The following LTBP2 variants were observed in gnomAD, a reference collection of about 807,000 sequenced individuals.
LTBP2 encodes the protein latent transforming growth factor beta binding protein 2, also known as latent-transforming growth factor beta-binding protein 2.
Under a neutral mutation model 210.6 loss-of-function variants are expected in LTBP2, and 103 were observed. That is an observed-to-expected ratio of 0.49 (90% CI 0.42 to 0.58). The LOEUF is 0.58. Ranked by LOEUF, LTBP2 falls within the 20% of genes least tolerant of loss-of-function variation. LTBP2 has a pLI of 0.00. For synonymous variants in LTBP2, 1,007 were observed against 1,015.0 expected (o/e 0.99, Z 0.15); for missense variants, 2,313 against 2,494.5 (o/e 0.93, Z 1.55).
intron 3 of LTBP2, among the ~76,000 whole-genome samples, chr14:74,564,295 A>G (rs376121399): frequency 3.1e-5 from 1 of 32,782 alleles, no homozygotes; most frequent in Non-Finnish European, 4.9e-5. Flanking sequence ...TTATATATAT[A>G]TTTATATATA....
At chr14:74,563,792 A>G (rs2087828706) in intron 3 of LTBP2, among the ~76,000 whole-genome samples, 1 of 151,604 alleles carries the variant, frequency 6.6e-6, no homozygotes. Flanking sequence ...GTCACAGAAA[A>G]TCTAAAATAT....
At chr14:74,582,421 C>T (rs970110969) in intron 3 of LTBP2, among the ~76,000 whole-genome samples, 10 of 151,558 alleles carry the variant, frequency 6.6e-5, no homozygotes, top group Non-Finnish European at 1.0e-4. Flanking sequence ...CACACACACA[C>T]ACACACACAC....
intron 3 of LTBP2, among the ~76,000 whole-genome samples, chr14:74,580,883 C>T (rs2088127347): frequency 6.6e-6 from 1 of 152,046 alleles, no homozygotes; most frequent in Non-Finnish European, 1.5e-5. Context: ...TGCAAGAGAC[C>T]AGGAGGTCGA....
intron 2 of LTBP2, among the ~76,000 whole-genome samples, chr14:74,596,453 T>C (rs1435102905): frequency 6.6e-6 from 1 of 151,958 alleles, no homozygotes; most frequent in Non-Finnish European, 1.5e-5. Context: ...CACAGAGAGA[T>C]GACGGGGAGC....
Position 74,572,322 on chromosome 14 carries a change from TGA to T in LTBP2, c.830+13530_830+13531del, listed in dbSNP as rs33960423. On this transcript the variant is annotated intron_variant, in intron 3 of 35. Transcript: ENST00000261978. ...GTGTGTGTGTCTGTGTGTGTGTGTG[TGA>T]GAGAGAGAGAGAGAGAGTGTGTGTG... is the stretch of plus-strand genomic sequence containing the variant. 6.6e-3 allele frequency among the ~76,000 whole-genome samples: 540 copies of T among 82,426 alleles called. 2 individuals carry two copies. The highest frequency in any genetic ancestry group is 0.014 in the South Asian group (43 of 3,020). 54.1% of individuals were successfully genotyped at this position (82,426 alleles called of 152,430 possible).
Position 74,536,115 on chromosome 14 carries a change from C to T in LTBP2, c.1790-115G>A, listed in dbSNP as rs2087418825. 36 of 868,864 alleles carry T rather than the reference C, an allele frequency of 4.1e-5. No individual in the cohort carries two copies. In the South Asian group the frequency reaches 5.0e-4, roughly 12 times the overall value. The allele number at this position is 868,864 out of a possible 1,614,324, so 53.8% of individuals were successfully genotyped here. A position where few individuals can be genotyped will look rare whatever the true frequency, so the allele number is the denominator to read the frequency against. ...CAGCCCACCCGGCAGCAGTGAGCCCCAGCCCCCGAAGCCATCGCCCTGGGC... is the reference window on the plus strand; with the variant it reads ...CAGCCCACCCGGCAGCAGTGAGCCCTAGCCCCCGAAGCCATCGCCCTGGGC... On this transcript the variant is annotated intron_variant, in intron 8 of 35. Transcript: ENST00000261978.
At chr14:74,503,883 G>T (rs1383754812) in intron 31 of LTBP2, 43 bp downstream of exon 31, 2 of 1,612,172 alleles carry the variant, frequency 1.2e-6, no homozygotes, top group Non-Finnish European at 1.7e-6. Flanking sequence ...CCATTATTCA[G>T]CTGTGGGCCT....
At chr14:74,567,667 C>T (rs1184887452) in intron 3 of LTBP2, among the ~76,000 whole-genome samples, 2 of 152,188 alleles carry the variant, frequency 1.3e-5, no homozygotes, top group African/African-American at 4.8e-5. Flanking sequence ...GGGACACAGA[C>T]CCCCAGGAGG....
chr14:74,532,277 C>G, intron 10 of LTBP2, 149 bp downstream of exon 10: 1 of 1,063,474 alleles, frequency 9.4e-7, no homozygotes, highest in Non-Finnish European at 1.4e-6. Context: ...CACATTGGGC[C>G]CAACTCCAGG....
chr14:74,526,525 G>C (rs1012798530), intron 13 of LTBP2, among the ~76,000 whole-genome samples: 1 of 152,184 alleles, frequency 6.6e-6, no homozygotes, highest in Non-Finnish European at 1.5e-5. Context: ...GGTTATACCT[G>C]GTGTCCCTCA....
At chr14:74,593,534 C>T (rs1245693863) in intron 2 of LTBP2, among the ~76,000 whole-genome samples, 1 of 152,206 alleles carries the variant, frequency 6.6e-6, no homozygotes, top group Non-Finnish European at 1.5e-5. Context: ...CGTGGGTGTA[C>T]TTTGTACTCT....
At chr14:74,526,508 G>A (rs893358004) in intron 13 of LTBP2, among the ~76,000 whole-genome samples, 3 of 152,202 alleles carry the variant, frequency 2.0e-5, no homozygotes, top group African/African-American at 7.2e-5. Context: ...GGGAAGCTGG[G>A]ACCACAGGTT....
chr14:74,509,514 T>C, intron 21 of LTBP2, 151 bp from the exon 22 acceptor site: 1 of 1,248,066 alleles, frequency 8.0e-7, no homozygotes, highest in Non-Finnish European at 1.1e-6. Flanking sequence ...TGCCCTCAGC[T>C]TCCCTCTTCT....
chr14:74,538,709 T>C (rs1325541885), intron 8 of LTBP2, among the ~76,000 whole-genome samples: 1 of 152,152 alleles, frequency 6.6e-6, no homozygotes, highest in Non-Finnish European at 1.5e-5. Context: ...GGACATAAAT[T>C]AGTAACGCTT....
chr14:74,514,719 C>T (rs575799205), intron 18 of LTBP2, among the ~76,000 whole-genome samples: 57 of 152,236 alleles, frequency 3.7e-4, no homozygotes, highest in Non-Finnish European at 6.6e-4. Flanking sequence ...GACTGCTGGA[C>T]GGGCCTCTGT....
Position 74,500,826 on chromosome 14 carries a change from G to C in LTBP2, c.*58C>G. On this transcript the variant is annotated 3_prime_UTR_variant, in exon 36 of 36. Transcript: ENST00000261978. ...TTCCCAGCTAGGAAATCATCCTCAA[G>C]GCCCCTGCCTGTGACTGGAGGCCAT... is the stretch of plus-strand genomic sequence containing the variant. 1.2e-6 allele frequency: 2 copies of C among 1,608,382 alleles called. No homozygotes were observed. Among genetic ancestry groups the C allele is most frequent in the South Asian group, 2.2e-5 (2 of 90,938 alleles).
intron 3 of LTBP2, among the ~76,000 whole-genome samples, chr14:74,578,064 G>A (rs1566646974): frequency 6.6e-6 from 1 of 152,016 alleles, no homozygotes; most frequent in Non-Finnish European, 1.5e-5. Flanking sequence ...AGAGGGGAGG[G>A]TGGCAGCGGT....
At chr14:74,596,713 A>C in intron 2 of LTBP2, among the ~76,000 whole-genome samples, 1 of 152,178 alleles carries the variant, frequency 6.6e-6, no homozygotes, top group East Asian at 1.9e-4. Context: ...AGGGCTTGGT[A>C]ATGGGTTGAT....
intron 13 of LTBP2, 93 bp from the exon 14 acceptor site, chr14:74,526,207 C>G: frequency 1.7e-6 from 2 of 1,195,570 alleles, no homozygotes; most frequent in Non-Finnish European, 2.4e-6. Context: ...TCCGGGCTTC[C>G]TACCAGGAGC....
Sources: gnomAD v4.1 joint callset for allele counts (sites outside exome capture counted in the v4.1 genomes callset) on GRCh38, gnomAD v4.1.1 for gene constraint, MANE v1.5 for transcripts, NCBI Gene and HGNC (gene_info 2026-07-23, HGNC 2026-07-21) for gene names.